The following ANKRD52 variants were observed in gnomAD, a reference collection of about 807,000 sequenced individuals.
ANKRD52 encodes serine/threonine-protein phosphatase 6 regulatory ankyrin repeat subunit C.
In ANKRD52, 7 loss-of-function variants were observed where a neutral mutation model predicts 116.0. That is an observed-to-expected ratio of 0.06 (90% CI 0.03 to 0.11). ANKRD52 has a LOEUF of 0.11. ANKRD52 is among the 10% of genes least tolerant of loss of function. The probability of loss-of-function intolerance (pLI) is 1.00; values close to 1 mark genes in which losing one functional copy is unlikely to be tolerated. For missense variants in ANKRD52, 839 were observed against 1,408.6 expected (o/e 0.60, Z 6.47); for synonymous variants, 528 against 578.1 (o/e 0.91, Z 1.24).
Position 56,244,333 on chromosome 12 carries a change from C to T in ANKRD52, c.2805+20G>A. The T allele has an allele frequency of 6.2e-7, 1 of 1,612,618 alleles. No individual in the cohort carries two copies. The highest frequency in any genetic ancestry group is 2.2e-5 in the East Asian group (1 of 44,876). On this transcript the variant is annotated intron_variant, in intron 25 of 27. Coordinates refer to ENST00000267116, the MANE Select transcript of ANKRD52 (RefSeq NM_173595.4). This position sits in a 1 kb window ranked among gnomAD's most constrained non-coding sequence, Gnocchi z 4.9. Reference sequence around the variant, plus strand: ...AAGCTCTGCCCCTTATGCAGTCCCCCAATCACTTCAGGTAAGTACCTTGCT... The same window carrying T: ...AAGCTCTGCCCCTTATGCAGTCCCCTAATCACTTCAGGTAAGTACCTTGCT...
Position 56,253,975 on chromosome 12 carries a change from GATA to G in ANKRD52, c.906+89_906+91del. Reference sequence around the variant, plus strand: ...GTCTGATTACCCTAGGAAGCAAGTGGATAATTCCCCAAGAGAGCTATCCAGATA... The same window carrying G: ...GTCTGATTACCCTAGGAAGCAAGTGGATTCCCCAAGAGAGCTATCCAGATA... On this transcript the variant is annotated intron_variant, in intron 8 of 27. Coordinates refer to ENST00000267116, the MANE Select transcript of ANKRD52 (RefSeq NM_173595.4). The surrounding 1 kb of genome is among the most constrained non-coding windows in gnomAD (Gnocchi z 5.5). 1 of 1,423,940 alleles carries G rather than the reference GATA, an allele frequency of 7.0e-7. No homozygotes were observed. Among genetic ancestry groups the G allele is most frequent in the Admixed American group, 2.0e-5 (1 of 50,412 alleles). 88.2% of individuals were successfully genotyped at this position (1,423,940 alleles called of 1,614,324 possible).
chr12:56,256,054 A>C (rs1871937621), intron 4 of ANKRD52, 70 bp from the exon 5 acceptor site: 1 of 1,426,216 alleles, frequency 7.0e-7, no homozygotes, highest in African/African-American at 1.4e-5. Context: ...GGAAGGAGGA[A>C]TAGGTCAGCA....
In ANKRD52 at chr12:56,248,235, G is replaced by A. The variant is rs1871512825; in HGVS notation, c.1777-11C>T. 1 of 1,613,182 alleles carries A rather than the reference G, an allele frequency of 6.2e-7. No individual in the cohort carries two copies. The highest frequency in any genetic ancestry group is 1.1e-5 in the South Asian group (1 of 91,080). The stretch of plus-strand genomic sequence containing the variant: ...GTGACCGTTGTAGGCCTGGCAAGGT[G>A]CAGGCAACCAGTGCACACAGCTCGG... On this transcript the variant is annotated splice_polypyrimidine_tract_variant and intron_variant, in intron 17 of 27. Transcript: ENST00000267116. The surrounding 1 kb of genome is among the most constrained non-coding windows in gnomAD (Gnocchi z 5.1).
chr12:56,255,920 G>A lies in ANKRD52; in HGVS notation c.326C>T (p.Thr109Ile). The change falls in exon 5 of 28, where the codon ACA (threonine) becomes ATA (isoleucine). Residue 109 changes from threonine (T) to isoleucine (I), a missense_variant. Thr to Ile is a moderately conservative substitution (Grantham distance 89). Around this residue, in one of 2 missense-constraint regions of ANKRD52, gnomAD observed 287 missense variants for 598.1 expected, o/e 0.48. Coordinates refer to ENST00000267116, the MANE Select transcript of ANKRD52 (RefSeq NM_173595.4). The surrounding 1 kb of genome is among the most constrained non-coding windows in gnomAD (Gnocchi z 4.3). Reference sequence around the variant, plus strand: ...GTTGGCAGCAGCCACATGCAGTGGTGTCTGCCACAGCTTGTCCCGGGCATT... The same window carrying A: ...GTTGGCAGCAGCCACATGCAGTGGTATCTGCCACAGCTTGTCCCGGGCATT... The part of the protein sequence containing the change: ...DVNARDKLWQ[T>I]PLHVAAANRA... 6.4e-7 allele frequency: 1 copy of A among 1,574,222 alleles called. No individual in the cohort carries two copies.
chr12:56,243,337 G>C lies in ANKRD52; in HGVS notation c.3036C>G (p.Ala1012=), dbSNP rs144307399. 1.9e-4 allele frequency: 300 copies of C among 1,613,988 alleles called. 1 individual carries two copies. The Middle Eastern group carries it at 5.9e-3, about 32-fold the overall frequency. The part of the protein sequence containing the change: ...APNKDVADCL[A]LILSTMKPFP... ...AAGGCTTCATGGTGGAAAGGATCAA[G>C]GCCAGGCAGTCTGCCACATCTTTGT... The change falls in exon 28 of 28, where the codon GCC becomes GCG. Residue 1012 remains alanine, a synonymous_variant. Transcript: ENST00000267116. The surrounding 1 kb of genome is among the most constrained non-coding windows in gnomAD (Gnocchi z 4.6).
Position 56,252,912 on chromosome 12 carries a change from C to T in ANKRD52, c.1184-15G>A. ...GTACAACTGACCTGGAGGCACAGAA[C>T]AGCCACAGGTCACATCTGAGAGTGT... On this transcript the variant is annotated splice_polypyrimidine_tract_variant and intron_variant, in intron 11 of 27. Transcript: ENST00000267116. This position sits in a 1 kb window ranked among gnomAD's most constrained non-coding sequence, Gnocchi z 4.7. 2 of 1,612,074 alleles carry T rather than the reference C, an allele frequency of 1.2e-6. No homozygotes were observed. Among genetic ancestry groups the T allele is most frequent in the Non-Finnish European group, 1.7e-6 (2 of 1,178,794 alleles).
intron 1 of ANKRD52, 58 bp from the exon 2 acceptor site, chr12:56,257,969 G>A: frequency 6.7e-7 from 1 of 1,491,764 alleles, no homozygotes; most frequent in East Asian, 2.3e-5. Flanking sequence ...ACCGGTGTGG[G>A]GGTGGGGGTG....
intron 4 of ANKRD52, 36 bp from the exon 5 acceptor site, chr12:56,256,020 G>A (rs972376713): frequency 1.3e-6 from 2 of 1,533,856 alleles, no homozygotes; most frequent in African/African-American, 1.4e-5. Context: ...GAGAGTGGGA[G>A]CAGGAGGTAA....
Position 56,243,705 on chromosome 12 carries a change from G to C in ANKRD52, c.2980+80C>G. The C allele has an allele frequency of 2.2e-6, 3 of 1,393,112 alleles. No individual in the cohort carries two copies. The South Asian group carries it at 3.8e-5, about 17-fold the overall frequency. 86.3% of individuals were successfully genotyped at this position (1,393,112 alleles called of 1,614,324 possible). On this transcript the variant is annotated intron_variant, in intron 27 of 27. Coordinates refer to ENST00000267116, the MANE Select transcript of ANKRD52 (RefSeq NM_173595.4). The surrounding 1 kb of genome is among the most constrained non-coding windows in gnomAD (Gnocchi z 4.6). ...CCTTGGGAAGAAAATCCCATGTATA[G>C]CAAGATTAAGAAGTCACCTCCTGAA...
Position 56,242,159 on chromosome 12 carries a change from G to A in ANKRD52, c.*983C>T. On this transcript the variant is annotated 3_prime_UTR_variant, in exon 28 of 28. Transcript: ENST00000267116. The surrounding 1 kb of genome is among the most constrained non-coding windows in gnomAD (Gnocchi z 4.3). ...TTGGCGGCACAGGAGGAAGAACATG[G>A]TCCCTCCCTCCATATACATGCAAAC... 2 of 398,626 alleles carry A rather than the reference G, an allele frequency of 5.0e-6. No individual in the cohort carries two copies. The highest frequency in any genetic ancestry group is 8.8e-6 in the Non-Finnish European group (2 of 226,092). 24.7% of individuals were successfully genotyped at this position (398,626 alleles called of 1,614,324 possible). A position where few individuals can be genotyped will look rare whatever the true frequency, so the allele number is the denominator to read the frequency against.
At chr12:56,247,415 G>C in intron 20 of ANKRD52, 78 bp downstream of exon 20, 1 of 1,184,768 alleles carries the variant, frequency 8.4e-7, no homozygotes, top group Non-Finnish European at 1.2e-6. Context: ...TAGACAATTG[G>C]ATTCCCTACT....
chr12:56,243,080 C>A lies in ANKRD52; in HGVS notation c.*62G>T. Reference sequence around the variant, plus strand: ...CTTTAAAGTGCCCTAAATGTTTAGACTTTTTCTAAATAAATAGAATTAGAT... The same window carrying A: ...CTTTAAAGTGCCCTAAATGTTTAGAATTTTTCTAAATAAATAGAATTAGAT... On this transcript the variant is annotated 3_prime_UTR_variant, in exon 28 of 28. Coordinates refer to ENST00000267116, the MANE Select transcript of ANKRD52 (RefSeq NM_173595.4). This position sits in a 1 kb window ranked among gnomAD's most constrained non-coding sequence, Gnocchi z 4.6. 6.7e-7 allele frequency: 1 copy of A among 1,486,704 alleles called. No individual in the cohort carries two copies. The highest frequency in any genetic ancestry group is 8.9e-7 in the Non-Finnish European group (1 of 1,118,572). The allele number at this position is 1,486,704 out of a possible 1,614,324, so 92.1% of individuals were successfully genotyped here.
Position 56,237,961 on chromosome 12 carries a change from T to A in ANKRD52, c.*5181A>T. 1.4e-5 allele frequency: 5 copies of A among 355,614 alleles called. No homozygotes were observed. Among genetic ancestry groups the A allele is most frequent in the Middle Eastern group, 8.3e-4 (1 of 1,210 alleles). The allele number at this position is 355,614 out of a possible 1,614,324, so 22.0% of individuals were successfully genotyped here. On this transcript the variant is annotated 3_prime_UTR_variant, in exon 28 of 28. Coordinates refer to ENST00000267116, the MANE Select transcript of ANKRD52 (RefSeq NM_173595.4). Reference sequence around the variant, plus strand: ...GAGTAGGGGCCTGGAGGGTGCAGGGTCATTAATCTGCGGGGAGAACATTGT... The same window carrying A: ...GAGTAGGGGCCTGGAGGGTGCAGGGACATTAATCTGCGGGGAGAACATTGT...
rs1872069374 is a variant in ANKRD52, at chr12:56,258,359, G to A, written c.-90C>T. 3 of 1,349,742 alleles carry A rather than the reference G, an allele frequency of 2.2e-6. No homozygotes were observed. The highest frequency in any genetic ancestry group is 3.1e-5 in the African/African-American group (2 of 64,724). The allele number at this position is 1,349,742 out of a possible 1,614,324, so 83.6% of individuals were successfully genotyped here. A position where few individuals can be genotyped will look rare whatever the true frequency, so the allele number is the denominator to read the frequency against. ...ACGGAGCGGCCCAGGCGGCGGCTGC[G>A]GTGGCGGCTGCAGGGAGAGCGCGGC... On this transcript the variant is annotated 5_prime_UTR_variant, in exon 1 of 28. Transcript: ENST00000267116.
rs1406248368 is a variant in ANKRD52 at position 56,245,480 on chromosome 12, A to G, written c.2301T>C (p.Thr767=). The change falls in exon 21 of 28, where the codon ACT becomes ACC. Residue 767 remains threonine, a synonymous_variant. Transcript: ENST00000267116. ...PIHLASACGH[T]AVLRTLLQAA... is the part of the protein sequence containing the mutation. ...CCTGCAGCAGGGTCCGCAGTACTGC[A>G]GTGTGGCCACAGGCTGAGGCCAGGT... is the stretch of plus-strand genomic sequence containing the variant. 4 of 1,612,144 alleles carry G rather than the reference A, an allele frequency of 2.5e-6. No homozygotes were observed. Among genetic ancestry groups the G allele is most frequent in the Non-Finnish European group, 3.4e-6 (4 of 1,179,286 alleles).
Position 56,244,402 on chromosome 12 carries a change from G to A in ANKRD52, c.2756C>T (p.Thr919Ile). The A allele has an allele frequency of 6.2e-7, 1 of 1,613,992 alleles. No homozygotes were observed. Among genetic ancestry groups the A allele is most frequent in the Non-Finnish European group, 8.5e-7 (1 of 1,179,882 alleles). ...CGTGTTCTTGTTCTCATCCAACACA[G>A]TAAGGTCTGCCTTCCCTCGATACAG... ...FLLYRGKADL[T>I]VLDENKNTAL... The change falls in exon 25 of 28, where the codon ACT becomes ATT. Residue 919 changes from threonine to isoleucine, a missense_variant. Around this residue, in one of 2 missense-constraint regions of ANKRD52, gnomAD observed 552 missense variants for 810.6 expected, o/e 0.68. Coordinates refer to ENST00000267116, the MANE Select transcript of ANKRD52 (RefSeq NM_173595.4). The surrounding 1 kb of genome is among the most constrained non-coding windows in gnomAD (Gnocchi z 4.9).
intron 2 of ANKRD52, 119 bp downstream of exon 2, chr12:56,257,709 G>T: frequency 1.0e-6 from 1 of 982,132 alleles, no homozygotes; most frequent in African/African-American, 1.6e-5. Context: ...ACTCCAGGAT[G>T]GAAAGAACTG....
intron 4 of ANKRD52, 92 bp from the exon 5 acceptor site, chr12:56,256,076 GC>G: frequency 7.9e-7 from 1 of 1,260,840 alleles, no homozygotes. Flanking sequence ...AGCATCTACA[GC>G]CCCTTCCCCA....
chr12:56,245,504 G>A lies in ANKRD52; in HGVS notation c.2277C>T (p.His759=), dbSNP rs746498123. The change falls in exon 21 of 28, where the codon CAC becomes CAT. Residue 759 remains histidine (H), a synonymous_variant. Transcript: ENST00000267116. Reference sequence around the variant, plus strand: ...CAGTGTGGCCACAGGCTGAGGCCAGGTGAATGGGCGTGCGGCCCTTAAAGT... The same window carrying A: ...CAGTGTGGCCACAGGCTGAGGCCAGATGAATGGGCGTGCGGCCCTTAAAGT... The part of the protein sequence containing the change: ...CRDFKGRTPI[H]LASACGHTAV... 59 of 1,611,692 alleles carry A rather than the reference G, an allele frequency of 3.7e-5. No individual in the cohort carries two copies. Among genetic ancestry groups the A allele is most frequent in the Non-Finnish European group, 5.0e-5 (59 of 1,179,058 alleles).
Sources: gnomAD v4.1 joint callset for allele counts on GRCh38, gnomAD v4.1.1 for gene constraint, gnomAD v4.1.1 regional missense constraint, Gnocchi (gnomAD v3.1) non-coding constraint, MANE v1.5 for transcripts, NCBI Gene and HGNC (gene_info 2026-07-23, HGNC 2026-07-21) for gene names.